NRXN3: variants seen among roughly 807,000 people sequenced by gnomAD.
NRXN3 encodes neurexin III.
In NRXN3, 32 loss-of-function variants were observed where a neutral mutation model predicts 137.6. The observed-to-expected ratio is 0.23, with a 90% CI of 0.18 to 0.31. The LOEUF (loss-of-function observed/expected upper bound fraction) is 0.31, where lower values mean the gene tolerates loss of function less well. Ranked by LOEUF, NRXN3 falls within the 10% of genes least tolerant of loss-of-function variation. NRXN3 has a pLI of 1.00. For synonymous variants in NRXN3, 798 were observed against 784.5 expected, an observed-to-expected ratio of 1.02 and a Z score of -0.29; for missense variants, 1,574 against 2,062.5, an observed-to-expected ratio of 0.76 and a Z score of 4.59.
chr14:78,346,122 C>T (rs1032393926), intron 4 of NRXN3, among the ~76,000 whole-genome samples: 10 of 152,132 alleles, frequency 6.6e-5, no homozygotes, highest in South Asian at 2.1e-4. Flanking sequence ...ACCTGAAGCA[C>T]GGGTGATGGG....
chr14:79,102,730 A>C (rs2051577132), intron 15 of NRXN3, among the ~76,000 whole-genome samples: 1 of 152,204 alleles, frequency 6.6e-6, no homozygotes, highest in Admixed American at 6.5e-5. Context: ...CTGTGTCTTC[A>C]AGGATAGGGA....
In NRXN3 at chr14:79,225,440, C is replaced by T. The variant is rs572634614; in HGVS notation, c.3262+237299C>T. 2.0e-5 allele frequency among the ~76,000 whole-genome samples: 3 copies of T among 152,226 alleles called. No homozygotes were observed. The South Asian group carries it at 6.2e-4, about 32-fold the overall frequency. Reference sequence around the variant, plus strand: ...TCTACTCCGTCTTTCTCGATATAATCCTAAAAGTTAGGGATTCCCAGGAAT... The same window carrying T: ...TCTACTCCGTCTTTCTCGATATAATTCTAAAAGTTAGGGATTCCCAGGAAT... On this transcript the variant is annotated intron_variant, in intron 15 of 20. Transcript: ENST00000335750.
intron 10 of NRXN3, among the ~76,000 whole-genome samples, chr14:78,825,379 C>A (rs946435517): frequency 6.6e-6 from 1 of 152,050 alleles, no homozygotes; most frequent in African/African-American, 2.4e-5. Context: ...AAGAATGGAA[C>A]CTTCAGGTCC....
intron 15 of NRXN3, among the ~76,000 whole-genome samples, chr14:79,419,525 A>G (rs1045468519): frequency 2.0e-5 from 3 of 152,170 alleles, no homozygotes; most frequent in African/African-American, 7.2e-5. Context: ...AGATATTGGT[A>G]GAAAACCATC....
chr14:78,401,306 A>G (rs531039304), intron 4 of NRXN3, among the ~76,000 whole-genome samples: 78 of 152,258 alleles, frequency 5.1e-4, no homozygotes, highest in African/African-American at 1.8e-3. Context: ...CTGGAATTAC[A>G]GGCACCCGCC....
intron 8 of NRXN3, among the ~76,000 whole-genome samples, chr14:78,732,462 C>A (rs4903793): frequency 0.42 from 63,687 of 152,010 alleles, 14,635 homozygotes; most frequent in Middle Eastern, 0.51. Flanking sequence ...TTTCTGTTAA[C>A]CTCTAATGTG....
At chr14:78,996,526 G>A (rs2099530434) in intron 15 of NRXN3, among the ~76,000 whole-genome samples, 1 of 152,166 alleles carries the variant, frequency 6.6e-6, no homozygotes. Flanking sequence ...ACTTTTGTTA[G>A]CATCAATTAT....
chr14:79,069,222 C>T (rs2099684468), intron 15 of NRXN3, among the ~76,000 whole-genome samples: 1 of 152,046 alleles, frequency 6.6e-6, no homozygotes, highest in African/African-American at 2.4e-5. Context: ...TTATACCTGA[C>T]CATCTCTTTT....
At chr14:78,295,478 G>A (rs1043690488) in intron 3 of NRXN3, among the ~76,000 whole-genome samples, 1 of 152,104 alleles carries the variant, frequency 6.6e-6, no homozygotes, top group Non-Finnish European at 1.5e-5. Context: ...ATTTTAAAAG[G>A]ATTCTTCCCT....
At chr14:79,342,480 G>A (rs752667101) in intron 15 of NRXN3, among the ~76,000 whole-genome samples, 1 of 151,628 alleles carries the variant, frequency 6.6e-6, no homozygotes, top group Non-Finnish European at 1.5e-5. Context: ...TTTTATGTGT[G>A]TGCCCAAGTA....
intron 17 of NRXN3, among the ~76,000 whole-genome samples, chr14:79,679,482 C>T (rs911716573): frequency 2.5e-4 from 38 of 152,180 alleles, no homozygotes; most frequent in African/African-American, 6.7e-4. Flanking sequence ...TTCTGAACAT[C>T]GAAAACTTCA....
intron 19 of NRXN3, among the ~76,000 whole-genome samples, chr14:79,707,691 G>A (rs1313219987): frequency 6.6e-6 from 1 of 152,134 alleles, no homozygotes; most frequent in Non-Finnish European, 1.5e-5. Context: ...CTAGTTTGTG[G>A]TCTCTGATAT....
At chr14:78,560,962 G>T (rs2096780844) in intron 4 of NRXN3, among the ~76,000 whole-genome samples, 3 of 152,172 alleles carry the variant, frequency 2.0e-5, no homozygotes, top group South Asian at 2.1e-4. Context: ...TCGCATCATG[G>T]TGATTGTATT....
chr14:79,246,738 T>C (rs2075240060), intron 15 of NRXN3: 1 of 152,232 alleles, frequency 6.6e-6, no homozygotes, highest in African/African-American at 2.4e-5. Context: ...TGATGAGTTT[T>C]GTTTTCCCTG....
At chr14:78,205,322 C>G (rs920251770) in intron 1 of NRXN3, among the ~76,000 whole-genome samples, 7 of 152,204 alleles carry the variant, frequency 4.6e-5, no homozygotes, top group Non-Finnish European at 8.8e-5. Flanking sequence ...AGTCACTTGC[C>G]CATGCAAGCA....
intron 15 of NRXN3, among the ~76,000 whole-genome samples, chr14:79,309,684 G>C (rs1384699594): frequency 6.9e-6 from 1 of 144,492 alleles, no homozygotes; most frequent in Non-Finnish European, 1.5e-5. Context: ...GATGGCCATT[G>C]ATGATGAGCA....
intron 4 of NRXN3, among the ~76,000 whole-genome samples, chr14:78,566,748 C>T (rs1187704211): frequency 6.6e-6 from 1 of 152,152 alleles, no homozygotes. Flanking sequence ...CCGTTGCTGC[C>T]CTCTGCTGGG....
In NRXN3 at chr14:78,834,291, C is replaced by T. The variant is rs147258932; in HGVS notation, c.2275+23947C>T. Reference sequence around the variant, plus strand: ...CAGCTGAGAGGTTGAATAATTTGTTCAAGGTGAGGTGGGCACAAAGAAGAA... The same window carrying T: ...CAGCTGAGAGGTTGAATAATTTGTTTAAGGTGAGGTGGGCACAAAGAAGAA... On this transcript the variant is annotated intron_variant, in intron 10 of 20. Coordinates refer to ENST00000335750, the MANE Select transcript of NRXN3 (RefSeq NM_001330195.2). Among the ~76,000 whole-genome samples the T allele has an allele frequency of 4.8e-3, 726 of 152,188 alleles. 1 individual carries two copies. Among genetic ancestry groups the T allele is most frequent in the Non-Finnish European group, 7.3e-3 (499 of 67,988 alleles).
At chr14:78,639,718 G>T (rs1335526215) in intron 4 of NRXN3, among the ~76,000 whole-genome samples, 2 of 152,146 alleles carry the variant, frequency 1.3e-5, no homozygotes, top group Non-Finnish European at 1.5e-5. Flanking sequence ...TGAGTTCCTG[G>T]CAAAGTAGTG....
Sources: allele counts gnomAD v4.1 joint callset (sites outside exome capture counted in the v4.1 genomes callset), GRCh38; gene constraint gnomAD v4.1.1; transcripts MANE v1.5; gene names NCBI Gene and HGNC (gene_info 2026-07-23, HGNC 2026-07-21).